IQCH: variants seen among roughly 807,000 people sequenced by gnomAD.
IQCH encodes the protein IQ domain-containing protein H.
A neutral mutation model predicts 117.0 loss-of-function variants in IQCH; 98 were observed. The ratio of observed to expected loss-of-function variants is 0.84; its 90% CI spans 0.71 to 0.99. The LOEUF (loss-of-function observed/expected upper bound fraction) is 0.99. Among genes scored for constraint, IQCH ranks in the 50% least tolerant of loss-of-function variants. IQCH has a pLI of 0.00. For synonymous variants in IQCH, 412 were observed against 448.2 expected (o/e 0.92, Z 1.02); for missense variants, 1,102 against 1,243.8 (o/e 0.89, Z 1.72).
At position 67,385,750 on chromosome 15, in the gene IQCH, T is replaced by G. The variant is rs527412111; in HGVS notation, c.1456+731T>G. ...GCTAAGCAATAACATTGAATCTGTT[T>G]GTGAGATACTTGCCAAAAATTCAAG... On this transcript the variant is annotated intron_variant, in intron 11 of 20. Coordinates refer to ENST00000335894, the MANE Select transcript of IQCH (RefSeq NM_001031715.3). The surrounding 1 kb of genome is among the most constrained non-coding windows in gnomAD (Gnocchi z 4.6). Among the ~76,000 whole-genome samples, 1 of 152,306 alleles carries G rather than the reference T, an allele frequency of 6.6e-6. No homozygotes were observed. The highest frequency in any genetic ancestry group is 1.5e-5 in the Non-Finnish European group (1 of 68,040).
chr15:67,457,991 T>C lies in IQCH; in HGVS notation c.2506-7136T>C, dbSNP rs2082698812. On this transcript the variant is annotated intron_variant, in intron 16 of 20. Coordinates refer to ENST00000335894, the MANE Select transcript of IQCH (RefSeq NM_001031715.3). This position sits in a 1 kb window ranked among gnomAD's most constrained non-coding sequence, Gnocchi z 5.7. ...AGGCCTCAGGTCCTATAGACCTCAC[T>C]TCTCACCAATCCAGGAGAATCTTGA... Among the ~76,000 whole-genome samples the C allele has an allele frequency of 6.6e-6, 1 of 152,186 alleles. No individual in the cohort carries two copies. The highest frequency in any genetic ancestry group is 1.5e-5 in the Non-Finnish European group (1 of 68,034).
In IQCH at chr15:67,324,609, T is replaced by TG. The variant is rs1968316978; in HGVS notation, c.388-12366_388-12365insG. Among the ~76,000 whole-genome samples the TG allele has an allele frequency of 3.4e-5, 4 of 119,250 alleles. No individual in the cohort carries two copies. The South Asian group carries it at 1.1e-3, about 34-fold the overall frequency. 78.2% of individuals were successfully genotyped at this position (119,250 alleles called of 152,430 possible). A position where few individuals can be genotyped will look rare whatever the true frequency, so the allele number is the denominator to read the frequency against. ...TGGGCAACAGCAGTGAGACTCTGTC[T>TG]AAAAAAAAAAAAAAAAAAAGAAGTC... On this transcript the variant is annotated intron_variant, in intron 4 of 20. Coordinates refer to ENST00000335894, the MANE Select transcript of IQCH (RefSeq NM_001031715.3).
In IQCH at chr15:67,467,623, G is replaced by A. The variant is rs917100308; in HGVS notation, c.2676+2326G>A. On this transcript the variant is annotated intron_variant, in intron 17 of 20. Coordinates refer to ENST00000335894, the MANE Select transcript of IQCH (RefSeq NM_001031715.3). This position sits in a 1 kb window ranked among gnomAD's most constrained non-coding sequence, Gnocchi z 5.7. Reference sequence around the variant, plus strand: ...GCTTGGGTTGTGCACACACCCTCCTGTGCATGTGTACACATATGATCAGCG... The same window carrying A: ...GCTTGGGTTGTGCACACACCCTCCTATGCATGTGTACACATATGATCAGCG... Among the ~76,000 whole-genome samples, 4 of 152,342 alleles carry A rather than the reference G, an allele frequency of 2.6e-5. No homozygotes were observed. Among genetic ancestry groups the A allele is most frequent in the South Asian group, 2.1e-4 (1 of 4,824 alleles).
chr15:67,445,450 T>C lies in IQCH; in HGVS notation c.2506-19677T>C, dbSNP rs978021239. On this transcript the variant is annotated intron_variant, in intron 16 of 20. Coordinates refer to ENST00000335894, the MANE Select transcript of IQCH (RefSeq NM_001031715.3). This position sits in a 1 kb window ranked among gnomAD's most constrained non-coding sequence, Gnocchi z 4.3. ...CCTACCTCATGTCTGGTTTTTTTGT[T>C]TGTTTTTGAGATGGAGTCTTGCTCT... 5.9e-5 allele frequency among the ~76,000 whole-genome samples: 9 copies of C among 152,032 alleles called. No individual in the cohort carries two copies. Among genetic ancestry groups the C allele is most frequent in the African/African-American group, 2.2e-4 (9 of 41,392 alleles).
intron 5 of IQCH, among the ~76,000 whole-genome samples, chr15:67,337,799 C>T (rs925781420): frequency 6.6e-6 from 1 of 152,178 alleles, no homozygotes; most frequent in Non-Finnish European, 1.5e-5. Flanking sequence ...TCAAATATAA[C>T]TTAGTGAGAC....
chr15:67,316,273 T>A (rs967857049), intron 4 of IQCH, among the ~76,000 whole-genome samples: 35 of 152,194 alleles, frequency 2.3e-4, no homozygotes, highest in African/African-American at 8.0e-4. Context: ...AGCAGTAGCA[T>A]TGTCTTCTCC....
chr15:67,371,501 AC>A, intron 8 of IQCH: 2 of 1,594,434 alleles, frequency 1.3e-6, no homozygotes, highest in Non-Finnish European at 8.5e-7. Context: ...GAATAAAAGA[AC>A]ACGTGTCAAG....
At chr15:67,322,939 C>T (rs1476602686) in intron 4 of IQCH, among the ~76,000 whole-genome samples, 1 of 152,010 alleles carries the variant, frequency 6.6e-6, no homozygotes, top group Non-Finnish European at 1.5e-5. Context: ...GTGGGCATGA[C>T]AATGTAAAAA....
Position 67,458,619 on chromosome 15 carries a change from G to A in IQCH, c.2506-6508G>A, listed in dbSNP as rs985952564. On this transcript the variant is annotated intron_variant, in intron 16 of 20. Coordinates refer to ENST00000335894, the MANE Select transcript of IQCH (RefSeq NM_001031715.3). This position sits in a 1 kb window ranked among gnomAD's most constrained non-coding sequence, Gnocchi z 4.1. ...GCTGTAAAAAGGAAATAAGCCCTTG[G>A]CTCTGTACCTAGCCAAACCAGTAAA... Among the ~76,000 whole-genome samples, 1 of 152,208 alleles carries A rather than the reference G, an allele frequency of 6.6e-6. No individual in the cohort carries two copies. Among genetic ancestry groups the A allele is most frequent in the Non-Finnish European group, 1.5e-5 (1 of 68,046 alleles).
At chr15:67,392,556 C>T (rs941566388) in intron 12 of IQCH, among the ~76,000 whole-genome samples, 1 of 151,978 alleles carries the variant, frequency 6.6e-6, no homozygotes, top group African/African-American at 2.4e-5. Flanking sequence ...GCAGGTGGAT[C>T]GCTTGAGCTC....
intron 8 of IQCH, among the ~76,000 whole-genome samples, chr15:67,367,288 C>T (rs1264579896): frequency 1.3e-5 from 2 of 152,174 alleles, no homozygotes. Flanking sequence ...GTAACCCCAA[C>T]ACTTTGGGAG....
chr15:67,388,865 T>C lies in IQCH; in HGVS notation c.1491T>C (p.His497=). 2 of 1,613,904 alleles carry C rather than the reference T, an allele frequency of 1.2e-6. No individual in the cohort carries two copies. Among genetic ancestry groups the C allele is most frequent in the Non-Finnish European group, 1.7e-6 (2 of 1,179,830 alleles). ...TGAATGTCATCTACATCTGCTCCCA[T>C]CATATGAATGACGAGTTAGTGCTGT... ...ANVNVIYICS[H]HMNDELVLYY... is the part of the protein sequence containing the mutation. Residue 497 remains histidine (H), a synonymous_variant, in exon 12 of 21, where the codon CAT becomes CAC. Transcript: ENST00000335894. The surrounding 1 kb of genome is among the most constrained non-coding windows in gnomAD (Gnocchi z 5.5).
At position 67,443,073 on chromosome 15, in the gene IQCH, A is replaced by C. The variant is rs2082317574; in HGVS notation, c.2505+21496A>C. Among the ~76,000 whole-genome samples, 1 of 151,724 alleles carries C rather than the reference A, an allele frequency of 6.6e-6. No homozygotes were observed. The highest frequency in any genetic ancestry group is 2.1e-4 in the South Asian group (1 of 4,796). On this transcript the variant is annotated intron_variant, in intron 16 of 20. Transcript: ENST00000335894. This position sits in a 1 kb window ranked among gnomAD's most constrained non-coding sequence, Gnocchi z 5.0. ...AGTGGTGCGATCTCGGCTCACTGCA[A>C]GCTCCGCCTCCCGGGTTCACACCAT...
chr15:67,297,118 T>C (rs1966857127), intron 4 of IQCH, among the ~76,000 whole-genome samples: 2 of 152,192 alleles, frequency 1.3e-5, no homozygotes, highest in Admixed American at 1.3e-4. Context: ...GCTGTGATTG[T>C]GGAGGGCTTC....
chr15:67,317,276 T>A (rs1223553783), intron 4 of IQCH, among the ~76,000 whole-genome samples: 1 of 152,096 alleles, frequency 6.6e-6, no homozygotes, highest in Non-Finnish European at 1.5e-5. Context: ...GATCTCAGCT[T>A]GCTGCAACCT....
Position 67,416,693 on chromosome 15 carries a change from G to T in IQCH, c.2098-238G>T, listed in dbSNP as rs965429578. ...CGTTTCCTGATGCCCAGAGAGAAGG[G>T]TGCCTTTCAGAGACAACAGGAACAA... On this transcript the variant is annotated intron_variant, in intron 14 of 20. Transcript: ENST00000335894. This position sits in a 1 kb window ranked among gnomAD's most constrained non-coding sequence, Gnocchi z 5.1. Among the ~76,000 whole-genome samples, 1 of 152,104 alleles carries T rather than the reference G, an allele frequency of 6.6e-6. No homozygotes were observed. Among genetic ancestry groups the T allele is most frequent in the South Asian group, 2.1e-4 (1 of 4,826 alleles).
intron 14 of IQCH, among the ~76,000 whole-genome samples, chr15:67,409,819 A>G (rs916187825): frequency 6.6e-6 from 1 of 152,228 alleles, no homozygotes; most frequent in African/African-American, 2.4e-5. Context: ...GCTGTTTTAC[A>G]TTATGTTACC....
rs759285071 is a variant in IQCH at position 67,465,579 on chromosome 15, A to G, written c.2676+282A>G. Reference sequence around the variant, plus strand: ...TACACCTACACCCATTGCCTCAACTACAAGCTGTTTCACACAAAACCCATA... The same window carrying G: ...TACACCTACACCCATTGCCTCAACTGCAAGCTGTTTCACACAAAACCCATA... On this transcript the variant is annotated intron_variant, in intron 17 of 20. Transcript: ENST00000335894. The surrounding 1 kb of genome is among the most constrained non-coding windows in gnomAD (Gnocchi z 5.9). Among the ~76,000 whole-genome samples the G allele has an allele frequency of 4.6e-5, 7 of 152,244 alleles. No individual in the cohort carries two copies. The highest frequency in any genetic ancestry group is 4.4e-5 in the Non-Finnish European group (3 of 68,006).
intron 4 of IQCH, among the ~76,000 whole-genome samples, chr15:67,289,104 T>A (rs986689662): frequency 2.0e-5 from 3 of 152,008 alleles, no homozygotes; most frequent in African/African-American, 7.2e-5. Context: ...AATCAAGAGA[T>A]GAGGTTGAAG....
Sources: allele counts gnomAD v4.1 joint callset (sites outside exome capture counted in the v4.1 genomes callset), GRCh38; gene constraint gnomAD v4.1.1; non-coding constraint Gnocchi (gnomAD v3.1); transcripts MANE v1.5; gene names NCBI Gene and HGNC (gene_info 2026-07-23, HGNC 2026-07-21).